TMCC2: variants seen among roughly 807,000 people sequenced by gnomAD.
TMCC2 encodes transmembrane and coiled-coil domains protein 2.
TMCC2 carries 16 observed loss-of-function variants against 49.4 expected under a neutral mutation model. That is an observed-to-expected ratio of 0.32 (90% CI 0.22 to 0.49). TMCC2 has a LOEUF of 0.49. TMCC2 is among the 20% of genes least tolerant of loss of function. TMCC2 has a pLI of 0.99. For synonymous variants in TMCC2, 397 were observed against 434.1 expected (o/e 0.91, Z 1.06); for missense variants, 762 against 989.8 (o/e 0.77, Z 3.09).
At chr1:205,232,934 C>CAAAAAAAAAAA (rs35561522) in intron 1 of TMCC2, among the ~76,000 whole-genome samples, 5 of 45,600 alleles carry the variant, frequency 1.1e-4, no homozygotes, top group Admixed American at 3.8e-4. Flanking sequence ...GACCCTATCT[C>CAAAAAAAAAAA]AAAAAAAAAA....
At position 205,269,402 on chromosome 1, in the gene TMCC2, C is replaced by T. The variant is rs1779411; in HGVS notation, c.1200C>T (p.Gly400=). 0.32 allele frequency: 514,592 copies of T among 1,605,518 alleles called. 91,803 individuals are homozygous for T. The highest frequency in any genetic ancestry group is 0.37 in the Non-Finnish European group (433,210 of 1,174,074). The change falls in exon 3 of 5, where the codon GGC becomes GGT. Residue 400 remains glycine (G), a synonymous_variant. Transcript: ENST00000358024. ...GCGCAGGCATCAGCGGCTTTGGGGGCGGCGTGGTGGAGGGCGTCAAGGGCA... is the reference window on the plus strand; with the variant it reads ...GCGCAGGCATCAGCGGCTTTGGGGGTGGCGTGGTGGAGGGCGTCAAGGGCA... ...NVRAGISGFG[G]GVVEGVKGSL...
At chr1:205,259,826 G>A (rs1028919562) in intron 2 of TMCC2, among the ~76,000 whole-genome samples, 2 of 152,214 alleles carry the variant, frequency 1.3e-5, no homozygotes, top group Non-Finnish European at 2.9e-5. Context: ...AGGGAGGTGA[G>A]TCCGGGGTGC....
chr1:205,241,613 C>G lies in TMCC2; in HGVS notation c.316C>G (p.Gln106Glu), dbSNP rs992847761. Reference protein sequence around the residue: ...EREHQTSQDSQQHQQQQGMSD... With the variant: ...EREHQTSQDSEQHQQQQGMSD... The stretch of plus-strand genomic sequence containing the variant: ...GGAGCACCAGACGTCTCAGGATTCC[C>G]AGCAGCATCAGCAGCAGCAGGGTAT... Residue 106 changes from glutamine (Q) to glutamate (E), a missense_variant, in exon 2 of 5, where the codon CAG becomes GAG. By Grantham distance (29) the Gln-to-Glu change is conservative. Around this residue, in one of 2 missense-constraint regions of TMCC2, gnomAD observed 322 missense variants for 353.1 expected, o/e 0.91. Coordinates refer to ENST00000358024, the MANE Select transcript of TMCC2 (RefSeq NM_014858.4). The surrounding 1 kb of genome is among the most constrained non-coding windows in gnomAD (Gnocchi z 7.3). The G allele has an allele frequency of 8.7e-6, 14 of 1,613,834 alleles. No homozygotes were observed. The highest frequency in any genetic ancestry group is 7.6e-6 in the Non-Finnish European group (9 of 1,180,010).
At chr1:205,244,614 G>A (rs370531708) in intron 2 of TMCC2, among the ~76,000 whole-genome samples, 1 of 152,142 alleles carries the variant, frequency 6.6e-6, no homozygotes, top group African/African-American at 2.4e-5. Context: ...TAGTGGTTGC[G>A]ATTTGTTTTC....
rs1661476805 is a variant in TMCC2 at position 205,269,262 on chromosome 1, C to T, written c.1060C>T (p.Leu354=). 3 of 1,613,744 alleles carry T rather than the reference C, an allele frequency of 1.9e-6. No homozygotes were observed. In the East Asian group the frequency reaches 6.7e-5, roughly 36 times the overall value. Residue 354 remains leucine, a synonymous_variant, in exon 3 of 5, where the codon CTG becomes TTG. Coordinates refer to ENST00000358024, the MANE Select transcript of TMCC2 (RefSeq NM_014858.4). ...GACCATCGCCCAGCTGCACAAGAAG[C>T]TGGAGCACTACCGCCGGCGCCTGAA... is the stretch of plus-strand genomic sequence containing the variant. The part of the protein sequence containing the change: ...AQTIAQLHKK[L]EHYRRRLKEI...
chr1:205,267,285 G>A (rs183228627), intron 2 of TMCC2, among the ~76,000 whole-genome samples: 58 of 152,292 alleles, frequency 3.8e-4, no homozygotes, highest in Admixed American at 1.3e-3. Context: ...ATTTTCAATC[G>A]TGTTTTCCAA....
At chr1:205,252,680 G>T (rs901344578) in intron 2 of TMCC2, among the ~76,000 whole-genome samples, 1 of 152,166 alleles carries the variant, frequency 6.6e-6, no homozygotes, top group Non-Finnish European at 1.5e-5. Context: ...CACATTTGGG[G>T]CCTGAAATTT....
In TMCC2 at chr1:205,228,297, ACT is replaced by A; in HGVS notation, c.-265_-264del. ...TCCCTCCTGCAATGACTGCCCAAGG[ACT>A]CTTGCTGCCCAGCCTCGACTGTGAC... On this transcript the variant is annotated 5_prime_UTR_variant, in exon 1 of 5. It introduces an in-frame stop codon into an upstream open reading frame of the 5' UTR. Coordinates refer to ENST00000358024, the MANE Select transcript of TMCC2 (RefSeq NM_014858.4). 2.9e-6 allele frequency: 1 copy of A among 340,940 alleles called. No homozygotes were observed. Among genetic ancestry groups the A allele is most frequent in the Non-Finnish European group, 5.4e-6 (1 of 184,852 alleles). The allele number at this position is 340,940 out of a possible 1,614,324, so 21.1% of individuals were successfully genotyped here.
At chr1:205,267,125 A>G (rs1393963109) in intron 2 of TMCC2, among the ~76,000 whole-genome samples, 1 of 152,156 alleles carries the variant, frequency 6.6e-6, no homozygotes, top group Non-Finnish European at 1.5e-5. Context: ...CAAAGCAAAC[A>G]TAAGAGGGAA....
At chr1:205,229,539 A>T in intron 1 of TMCC2, 1 of 512,734 alleles carries the variant, frequency 2.0e-6, no homozygotes, top group Non-Finnish European at 2.1e-6. Context: ...CCGATCTGTG[A>T]AGGGGCGGGG....
chr1:205,233,271 T>G (rs1351018760), intron 1 of TMCC2, among the ~76,000 whole-genome samples: 2 of 152,244 alleles, frequency 1.3e-5, no homozygotes, highest in Non-Finnish European at 2.9e-5. Flanking sequence ...CCCTGGAGAT[T>G]TCTGAGCAGT....
At chr1:205,240,377 G>A (rs189067419) in intron 1 of TMCC2, among the ~76,000 whole-genome samples, 2 of 152,368 alleles carry the variant, frequency 1.3e-5, no homozygotes, top group Admixed American at 1.3e-4. Context: ...GGGCGGCACC[G>A]GGTTGCAGTG....
At chr1:205,232,963 CA>C (rs1365774817) in intron 1 of TMCC2, among the ~76,000 whole-genome samples, 3 of 57,372 alleles carry the variant, frequency 5.2e-5, no homozygotes, top group Admixed American at 1.9e-4. Context: ...AAAAAAAACA[CA>C]AAAAAACACA....
chr1:205,266,349 G>A (rs891609253), intron 2 of TMCC2, among the ~76,000 whole-genome samples: 2 of 151,854 alleles, frequency 1.3e-5, no homozygotes, highest in African/African-American at 4.8e-5. Context: ...CCAGCACTTT[G>A]GGAGGCTGAG....
At chr1:205,260,865 C>G (rs999545304) in intron 2 of TMCC2, among the ~76,000 whole-genome samples, 2 of 152,188 alleles carry the variant, frequency 1.3e-5, no homozygotes, top group East Asian at 1.9e-4. Context: ...CACTTTGTTT[C>G]TTTCATGGCC....
intron 2 of TMCC2, among the ~76,000 whole-genome samples, chr1:205,251,935 G>A (rs1371494795): frequency 1.3e-5 from 2 of 152,198 alleles, no homozygotes; most frequent in African/African-American, 4.8e-5. Flanking sequence ...TTTTAGAAAG[G>A]AATTATTCCA....
chr1:205,239,037 C>T (rs1660163855), intron 1 of TMCC2, among the ~76,000 whole-genome samples: 1 of 152,162 alleles, frequency 6.6e-6, no homozygotes, highest in South Asian at 2.1e-4. Context: ...CCAGCACCTC[C>T]ACCAGCCTCC....
chr1:205,269,560 C>G lies in TMCC2; in HGVS notation c.1358C>G (p.Pro453Arg), dbSNP rs1435188716. 1 of 1,613,850 alleles carries G rather than the reference C, an allele frequency of 6.2e-7. No individual in the cohort carries two copies. The highest frequency in any genetic ancestry group is 1.1e-5 in the South Asian group (1 of 91,088). ...CTGAAGGACCCCCTGGAAGATGGGC[C>G]CCCTGAGGAGGCAGCCCGGGCACTG... Reference protein sequence around the residue: ...AHLKDPLEDGPPEEAARALSG... With the variant: ...AHLKDPLEDGRPEEAARALSG... The change falls in exon 3 of 5, where the codon CCC becomes CGC. Residue 453 changes from proline to arginine, a missense_variant. This residue lies in a region of TMCC2 where 440 missense variants were observed against 636.7 expected (regional missense o/e 0.69). Coordinates refer to ENST00000358024, the MANE Select transcript of TMCC2 (RefSeq NM_014858.4).
chr1:205,256,214 A>G, intron 2 of TMCC2: 1 of 1,487,976 alleles, frequency 6.7e-7, no homozygotes, highest in African/African-American at 1.4e-5. Flanking sequence ...TGGGTGCAGA[A>G]TCCATGTCTT....
Sources: allele counts gnomAD v4.1 joint callset (sites outside exome capture counted in the v4.1 genomes callset), GRCh38; gene constraint gnomAD v4.1.1; regional missense constraint gnomAD v4.1.1; non-coding constraint Gnocchi (gnomAD v3.1); transcripts MANE v1.5; gene names NCBI Gene and HGNC (gene_info 2026-07-23, HGNC 2026-07-21).